Variants in CLSTN2 observed in about 807,000 individuals in gnomAD.
The protein encoded by CLSTN2 is calsyntenin-2.
In CLSTN2, 48 loss-of-function variants were observed where a neutral mutation model predicts 101.2. The observed-to-expected ratio is 0.47, with a 90% CI of 0.38 to 0.60. The LOEUF (loss-of-function observed/expected upper bound fraction) is 0.60. CLSTN2 is among the 20% of genes least tolerant of loss of function. The pLI, the probability that CLSTN2 is intolerant of heterozygous loss-of-function variation, is 0.00. For missense variants in CLSTN2, 1,160 were observed against 1,238.2 expected, an observed-to-expected ratio of 0.94 and a Z score of 0.95; for synonymous variants, 481 against 463.6, an observed-to-expected ratio of 1.04 and a Z score of -0.48.
chr3:140,094,405 T>C (rs1347124918), intron 1 of CLSTN2, among the ~76,000 whole-genome samples: 2 of 152,232 alleles, frequency 1.3e-5, no homozygotes, highest in African/African-American at 2.4e-5. Context: ...ATTAAGGATA[T>C]TTTAATTTTT....
chr3:140,302,744 G>A (rs975775464), intron 2 of CLSTN2, among the ~76,000 whole-genome samples: 1 of 152,160 alleles, frequency 6.6e-6, no homozygotes, highest in African/African-American at 2.4e-5. Context: ...CTGCAGGAGT[G>A]AGGCAAGTGT....
At chr3:140,335,668 T>A (rs1154765) in intron 2 of CLSTN2, among the ~76,000 whole-genome samples, 57,657 of 152,108 alleles carry the variant, frequency 0.38, 12,366 homozygotes, top group Non-Finnish European at 0.5. Context: ...CACTGATTAC[T>A]ATTATTTGTA....
intron 9 of CLSTN2, among the ~76,000 whole-genome samples, chr3:140,535,059 A>G (rs1935332383): frequency 6.6e-6 from 1 of 152,184 alleles, no homozygotes; most frequent in Admixed American, 6.5e-5. Context: ...AGACCTATAT[A>G]CTAATAGGAC....
intron 2 of CLSTN2, among the ~76,000 whole-genome samples, chr3:140,373,087 AT>A (rs1352526896): frequency 6.6e-6 from 1 of 152,184 alleles, no homozygotes; most frequent in Non-Finnish European, 1.5e-5. Context: ...TAAATAAATA[AT>A]TTTTAAAAAG....
chr3:140,518,246 G>A (rs1162932373), intron 8 of CLSTN2, among the ~76,000 whole-genome samples: 1 of 152,096 alleles, frequency 6.6e-6, no homozygotes, highest in African/African-American at 2.4e-5. Context: ...AGCAAGCAGG[G>A]CTTTCAGGAT....
At chr3:140,130,644 G>A (rs1250313271) in intron 1 of CLSTN2, among the ~76,000 whole-genome samples, 1 of 152,164 alleles carries the variant, frequency 6.6e-6, no homozygotes, top group East Asian at 1.9e-4. Context: ...CTAATTTAAT[G>A]TGCAGCATTG....
At chr3:140,053,579 G>A (rs913341070) in intron 1 of CLSTN2, among the ~76,000 whole-genome samples, 5 of 152,150 alleles carry the variant, frequency 3.3e-5, no homozygotes, top group African/African-American at 1.2e-4. Context: ...CTCGCAACAG[G>A]AGCTCAACTG....
chr3:140,343,387 C>A (rs868820921), intron 2 of CLSTN2, among the ~76,000 whole-genome samples: 2 of 152,192 alleles, frequency 1.3e-5, no homozygotes, highest in African/African-American at 4.8e-5. Context: ...TAAGAAAGCT[C>A]ATTTCAAGCC....
At chr3:140,553,046 A>G (rs1263168285) in intron 10 of CLSTN2, among the ~76,000 whole-genome samples, 1 of 152,236 alleles carries the variant, frequency 6.6e-6, no homozygotes, top group South Asian at 2.1e-4. Context: ...GAGGCCTTCC[A>G]GGCAAGAGAG....
chr3:140,213,396 C>CAGTG (rs1293489072), intron 2 of CLSTN2, among the ~76,000 whole-genome samples: 21 of 152,280 alleles, frequency 1.4e-4, no homozygotes, highest in African/African-American at 4.8e-4. Flanking sequence ...TGGACAATAC[C>CAGTG]AGTGAGCACA....
chr3:140,023,189 G>A (rs189943432), intron 1 of CLSTN2, among the ~76,000 whole-genome samples: 155 of 152,226 alleles, frequency 1.0e-3, no homozygotes, highest in African/African-American at 3.6e-3. Context: ...TGAGAGGAGA[G>A]GTTGTCTTGC....
At chr3:140,133,039 C>T (rs2009545849) in intron 1 of CLSTN2, among the ~76,000 whole-genome samples, 1 of 152,136 alleles carries the variant, frequency 6.6e-6, no homozygotes, top group Non-Finnish European at 1.5e-5. Flanking sequence ...TTATTTGCCT[C>T]GTTGTTCAGC....
At chr3:139,963,019 T>C (rs1030528901) in intron 1 of CLSTN2, among the ~76,000 whole-genome samples, 2 of 152,172 alleles carry the variant, frequency 1.3e-5, no homozygotes, top group African/African-American at 4.8e-5. Context: ...TTATTATTAT[T>C]ATTATTACAA....
chr3:140,106,477 G>GGT (rs2009060000), intron 1 of CLSTN2, among the ~76,000 whole-genome samples: 1 of 152,192 alleles, frequency 6.6e-6, no homozygotes, highest in Non-Finnish European at 1.5e-5. Context: ...TGGAGCAGGA[G>GGT]GTGGGGTCTT....
In CLSTN2 at chr3:140,231,108, C is replaced by G. The variant is rs143542270; in HGVS notation, c.232+55035C>G. On this transcript the variant is annotated intron_variant, in intron 2 of 16. Transcript: ENST00000458420. ...CTTCTAACCTTTCTCACCACCATAACAGTCAAAGTGCATGGTGAGAAAAGT... is the reference window on the plus strand; with the variant it reads ...CTTCTAACCTTTCTCACCACCATAAGAGTCAAAGTGCATGGTGAGAAAAGT... 7.4e-3 allele frequency among the ~76,000 whole-genome samples: 1,120 copies of G among 152,300 alleles called. 7 individuals are homozygous for G. The highest frequency in any genetic ancestry group is 0.024 in the African/African-American group (984 of 41,566).
intron 2 of CLSTN2, among the ~76,000 whole-genome samples, chr3:140,371,726 T>G (rs1320803277): frequency 6.6e-6 from 1 of 152,214 alleles, no homozygotes; most frequent in African/African-American, 2.4e-5. Context: ...AAGCATTAAT[T>G]TCTTGGCATC....
intron 8 of CLSTN2, among the ~76,000 whole-genome samples, chr3:140,532,106 A>G (rs1345081881): frequency 1.3e-5 from 2 of 152,158 alleles, no homozygotes; most frequent in African/African-American, 2.4e-5. Flanking sequence ...TCTGCCTGAT[A>G]TCGGATTCTT....
chr3:140,207,112 C>G (rs1334072682), intron 2 of CLSTN2, among the ~76,000 whole-genome samples: 1 of 152,212 alleles, frequency 6.6e-6, no homozygotes, highest in Non-Finnish European at 1.5e-5. Context: ...CTTCCTACTT[C>G]TCCATCAGAG....
intron 12 of CLSTN2, among the ~76,000 whole-genome samples, chr3:140,560,127 G>A (rs1315967238): frequency 1.3e-5 from 2 of 152,188 alleles, no homozygotes; most frequent in African/African-American, 4.8e-5. Context: ...GTTTATGAGA[G>A]GTACAGGCAG....
Sources: gnomAD v4.1 joint callset for allele counts (sites outside exome capture counted in the v4.1 genomes callset) on GRCh38, gnomAD v4.1.1 for gene constraint, MANE v1.5 for transcripts, NCBI Gene and HGNC (gene_info 2026-07-23, HGNC 2026-07-21) for gene names.